Variants in SHISA9 observed in about 807,000 individuals in gnomAD.
The protein encoded by SHISA9 is shisa family member 9.
Under a neutral mutation model 38.0 loss-of-function variants are expected in SHISA9, and 13 were observed. The ratio of observed to expected loss-of-function variants is 0.34; its 90% CI spans 0.22 to 0.54. The LOEUF (loss-of-function observed/expected upper bound fraction) is 0.54. SHISA9 is among the 20% of genes least tolerant of loss of function. SHISA9 has a pLI of 0.91. For missense variants in SHISA9, 538 were observed against 575.8 expected, an observed-to-expected ratio of 0.93 and a Z score of 0.67; for synonymous variants, 275 against 242.0, an observed-to-expected ratio of 1.14 and a Z score of -1.27.
intron 2 of SHISA9, among the ~76,000 whole-genome samples, chr16:12,971,800 A>C (rs2072086663): frequency 6.6e-6 from 1 of 152,158 alleles, no homozygotes; most frequent in African/African-American, 2.4e-5. Flanking sequence ...AAGCTAATAT[A>C]ATAAAGACCT....
chr16:13,098,819 T>C (rs1418074370), intron 2 of SHISA9, among the ~76,000 whole-genome samples: 3 of 152,244 alleles, frequency 2.0e-5, no homozygotes, highest in Admixed American at 2.0e-4. Context: ...CCCAGCTCTG[T>C]TGAATCTGGC....
chr16:13,219,723 G>A (rs537225866), intron 4 of SHISA9, among the ~76,000 whole-genome samples: 10 of 152,260 alleles, frequency 6.6e-5, no homozygotes, highest in East Asian at 5.8e-4. Context: ...TTGGGAGGCC[G>A]AGGTGGGCAG....
At chr16:13,103,056 C>T (rs1458816797) in intron 2 of SHISA9, among the ~76,000 whole-genome samples, 1 of 152,174 alleles carries the variant, frequency 6.6e-6, no homozygotes, top group Non-Finnish European at 1.5e-5. Context: ...TTTCTCTAGT[C>T]CTCTCAACAG....
At chr16:13,550,320 A>C in the SHISA9 span, among the ~76,000 whole-genome samples, 2 of 152,176 alleles carry the variant, frequency 1.3e-5, no homozygotes, top group African/African-American at 4.8e-5. Flanking sequence ...TTACTCATCC[A>C]TGCAGAAAGA....
the SHISA9 span, among the ~76,000 whole-genome samples, chr16:13,439,395 G>C: frequency 6.6e-6 from 1 of 152,144 alleles, no homozygotes; most frequent in Non-Finnish European, 1.5e-5. Flanking sequence ...CATAACTATG[G>C]AATGAGATGG....
the SHISA9 span, among the ~76,000 whole-genome samples, chr16:13,471,561 C>T: frequency 1.3e-5 from 2 of 152,154 alleles, no homozygotes; most frequent in Non-Finnish European, 2.9e-5. Flanking sequence ...CTCTTTGCTT[C>T]CCCTGCAGTG....
intron 2 of SHISA9, among the ~76,000 whole-genome samples, chr16:13,180,311 C>A (rs924817224): frequency 6.6e-6 from 1 of 152,212 alleles, no homozygotes; most frequent in African/African-American, 2.4e-5. Flanking sequence ...AACTCTGTCC[C>A]CACACCAGTT....
downstream of SHISA9, among the ~76,000 whole-genome samples, chr16:13,244,638 G>C (rs2051458938): frequency 6.6e-6 from 1 of 152,212 alleles, no homozygotes; most frequent in South Asian, 2.1e-4. Flanking sequence ...TGGTCAAAGT[G>C]GACTATTAGT....
At chr16:12,961,854 G>A (rs541093182) in intron 2 of SHISA9, among the ~76,000 whole-genome samples, 1 of 152,240 alleles carries the variant, frequency 6.6e-6, no homozygotes, top group African/African-American at 2.4e-5. Context: ...GCTGTCAGGT[G>A]TGATCACACA....
the SHISA9 span, among the ~76,000 whole-genome samples, chr16:13,316,326 T>A: frequency 6.6e-6 from 1 of 152,288 alleles, no homozygotes; most frequent in Admixed American, 6.5e-5. Context: ...CATTATTTCC[T>A]TCTGTCTAGG....
intron 2 of SHISA9, among the ~76,000 whole-genome samples, chr16:12,942,426 C>T (rs2071623455): frequency 6.6e-6 from 1 of 152,182 alleles, no homozygotes; most frequent in Non-Finnish European, 1.5e-5. Flanking sequence ...CTTCCAACTG[C>T]ACAGAATCAA....
the SHISA9 span, among the ~76,000 whole-genome samples, chr16:13,459,948 C>T: frequency 0.011 from 1,621 of 152,222 alleles, 33 homozygotes; most frequent in African/African-American, 0.037. Flanking sequence ...CACACTGTCG[C>T]CTAGGCTAGA....
chr16:13,283,593 A>G, the SHISA9 span, among the ~76,000 whole-genome samples: 1 of 152,058 alleles, frequency 6.6e-6, no homozygotes, highest in African/African-American at 2.4e-5. Context: ...ATTCACTACC[A>G]TGAGAATAGT....
intron 2 of SHISA9, among the ~76,000 whole-genome samples, chr16:13,076,129 C>G (rs971484769): frequency 2.0e-5 from 3 of 150,642 alleles, no homozygotes; most frequent in African/African-American, 7.3e-5. Context: ...CTCCCATGTT[C>G]AAGCGATTCT....
Position 12,901,967 on chromosome 16 carries a change from C to A in SHISA9, c.-98C>A. The A allele has an allele frequency of 9.2e-7, 1 of 1,088,690 alleles. No homozygotes were observed. Among genetic ancestry groups the A allele is most frequent in the Non-Finnish European group, 1.2e-6 (1 of 843,468 alleles). 67.4% of individuals were successfully genotyped at this position (1,088,690 alleles called of 1,614,324 possible). A position where few individuals can be genotyped will look rare whatever the true frequency, so the allele number is the denominator to read the frequency against. On this transcript the variant is annotated 5_prime_UTR_variant, in exon 1 of 5. Transcript: ENST00000558583. ...ATGTGCGGCCCGCGGCGGCTCGCAG[C>A]TCCCGGCAGCAGCCTCGGCAGCTTC...
At chr16:13,087,478 C>T (rs1374101404) in intron 2 of SHISA9, among the ~76,000 whole-genome samples, 1 of 152,172 alleles carries the variant, frequency 6.6e-6, no homozygotes, top group Non-Finnish European at 1.5e-5. Flanking sequence ...CACATCCTCT[C>T]CAGCATCTGT....
the SHISA9 span, among the ~76,000 whole-genome samples, chr16:13,540,905 G>A: frequency 1.3e-5 from 2 of 152,156 alleles, no homozygotes; most frequent in Non-Finnish European, 2.9e-5. Context: ...TTCCAAAGCT[G>A]TGGCTTTGAT....
At chr16:13,496,739 G>T in the SHISA9 span, among the ~76,000 whole-genome samples, 1 of 151,594 alleles carries the variant, frequency 6.6e-6, no homozygotes, top group Non-Finnish European at 1.5e-5. Flanking sequence ...AAAGCAATTA[G>T]AAAATACAAA....
the SHISA9 span, among the ~76,000 whole-genome samples, chr16:13,357,449 G>A: frequency 6.6e-6 from 1 of 152,204 alleles, no homozygotes; most frequent in Admixed American, 6.5e-5. Flanking sequence ...TTGGTGAGAT[G>A]TTTCTTGGGC....
Sources: allele counts gnomAD v4.1 joint callset (sites outside exome capture counted in the v4.1 genomes callset), GRCh38; gene constraint gnomAD v4.1.1; transcripts MANE v1.5; gene names NCBI Gene and HGNC (gene_info 2026-07-23, HGNC 2026-07-21).